RASGRF2: variants seen among roughly 807,000 people sequenced by gnomAD.
The protein encoded by RASGRF2 is Ras protein specific guanine nucleotide releasing factor 2, also known as ras-specific guanine nucleotide-releasing factor 2.
Under a neutral mutation model 151.0 loss-of-function variants are expected in RASGRF2, and 76 were observed. The ratio of observed to expected loss-of-function variants is 0.50; its 90% CI spans 0.42 to 0.61. RASGRF2 has a LOEUF of 0.61. RASGRF2 is among the 20% of genes least tolerant of loss of function. RASGRF2 has a pLI of 0.00. For synonymous variants in RASGRF2, 504 were observed against 566.5 expected, an observed-to-expected ratio of 0.89 and a Z score of 1.57; for missense variants, 1,148 against 1,564.6, an observed-to-expected ratio of 0.73 and a Z score of 4.49.
chr5:81,123,574 G>T, intron 15 of RASGRF2, 68 bp from the exon 16 acceptor site: 1 of 1,545,694 alleles, frequency 6.5e-7, no homozygotes, highest in Non-Finnish European at 8.8e-7. Flanking sequence ...TTGTTTCCAT[G>T]CATGATACTG....
Position 81,201,354 on chromosome 5 carries a change from A to G in RASGRF2, c.2818A>G (p.Lys940Glu). The change falls in exon 19 of 27, where the codon AAG (lysine) becomes GAG (glutamate). Residue 940 changes from lysine (K) to glutamate (E), a missense_variant. Physicochemically the swap from Lys to Glu is moderately conservative, Grantham distance 56. Coordinates refer to ENST00000265080, the MANE Select transcript of RASGRF2 (RefSeq NM_006909.3). ...AQDFELNNEL[K>E]MNVLNLLEEV... ...GGATTTCGAACTCAACAATGAACTAAAGATGAATGTCCTAAATTTGCTAGA... is the reference window on the plus strand; with the variant it reads ...GGATTTCGAACTCAACAATGAACTAGAGATGAATGTCCTAAATTTGCTAGA... 1 of 1,612,914 alleles carries G rather than the reference A, an allele frequency of 6.2e-7. No individual in the cohort carries two copies. Among genetic ancestry groups the G allele is most frequent in the South Asian group, 1.1e-5 (1 of 90,946 alleles).
intron 1 of RASGRF2, among the ~76,000 whole-genome samples, chr5:81,039,771 A>G (rs554688793): frequency 6.6e-6 from 1 of 152,258 alleles, no homozygotes; most frequent in East Asian, 1.9e-4. Flanking sequence ...TATTAATGAT[A>G]TTATCCTTTT....
chr5:80,961,737 G>C (rs1293660746), intron 1 of RASGRF2, among the ~76,000 whole-genome samples: 6 of 152,104 alleles, frequency 3.9e-5, no homozygotes, highest in African/African-American at 1.4e-4. Context: ...AAATGAATGC[G>C]ACCTTTTAAT....
chr5:81,198,200 A>G (rs1755310502), intron 18 of RASGRF2, among the ~76,000 whole-genome samples: 1 of 151,702 alleles, frequency 6.6e-6, no homozygotes, highest in South Asian at 2.1e-4. Flanking sequence ...TTTGGGCTTT[A>G]TTGATCTCAT....
intron 1 of RASGRF2, among the ~76,000 whole-genome samples, chr5:81,036,993 A>G (rs763240870): frequency 1.3e-5 from 2 of 152,226 alleles, no homozygotes; most frequent in Non-Finnish European, 2.9e-5. Flanking sequence ...TGTCTGGGGT[A>G]GCCTCACAAT....
chr5:81,094,264 A>T, intron 10 of RASGRF2, 32 bp from the exon 11 acceptor site: 1 of 1,572,572 alleles, frequency 6.4e-7, no homozygotes, highest in Non-Finnish European at 8.7e-7. Context: ...CAAGACCTTC[A>T]GCGTCTTAGT....
rs551363905 is a variant in RASGRF2 at position 81,035,424 on chromosome 5, G to A, written c.289-7453G>A. ...GGGAATTGAACGATGAGAACACTTG[G>A]ACATAGGGTGGGGAGCATTACACAC... On this transcript the variant is annotated intron_variant, in intron 1 of 26. Transcript: ENST00000265080. 2.3e-3 allele frequency among the ~76,000 whole-genome samples: 351 copies of A among 152,184 alleles called. 1 individual carries two copies. Among genetic ancestry groups the A allele is most frequent in the Non-Finnish European group, 3.7e-3 (250 of 68,004 alleles).
chr5:81,190,047 C>T (rs1218607896), intron 18 of RASGRF2, among the ~76,000 whole-genome samples: 1 of 152,168 alleles, frequency 6.6e-6, no homozygotes, highest in African/African-American at 2.4e-5. Context: ...TATTATTTAT[C>T]AGCACCCATT....
At chr5:81,219,171 C>T (rs149361263) in intron 25 of RASGRF2, among the ~76,000 whole-genome samples, 3,180 of 151,790 alleles carry the variant, frequency 0.021, 106 homozygotes, top group African/African-American at 0.073. Context: ...CTCCACCTTC[C>T]GGGTTCAAGC....
chr5:81,216,785 C>T (rs749960717), intron 24 of RASGRF2, among the ~76,000 whole-genome samples: 12 of 152,336 alleles, frequency 7.9e-5, no homozygotes, highest in Middle Eastern at 3.4e-3. Flanking sequence ...GCTTAGCCTC[C>T]GGCCTCTGAG....
chr5:81,036,450 G>A (rs1402032441), intron 1 of RASGRF2, among the ~76,000 whole-genome samples: 2 of 151,910 alleles, frequency 1.3e-5, no homozygotes, highest in African/African-American at 4.8e-5. Flanking sequence ...TTACTGCATA[G>A]CCATATAATA....
chr5:81,224,458 T>C (rs768053534), intron 26 of RASGRF2, among the ~76,000 whole-genome samples: 2 of 152,238 alleles, frequency 1.3e-5, no homozygotes, highest in Non-Finnish European at 2.9e-5. Flanking sequence ...ACAATCACTT[T>C]GCAAAACTGT....
intron 23 of RASGRF2, among the ~76,000 whole-genome samples, chr5:81,213,176 G>C (rs1320149691): frequency 1.3e-5 from 2 of 152,114 alleles, no homozygotes; most frequent in Non-Finnish European, 2.9e-5. Context: ...GGGCTTTTGG[G>C]CACCTGTCTG....
chr5:81,052,137 A>G (rs1428201018), intron 2 of RASGRF2, among the ~76,000 whole-genome samples: 1 of 152,226 alleles, frequency 6.6e-6, no homozygotes, highest in Non-Finnish European at 1.5e-5. Flanking sequence ...GCTTGTGCAC[A>G]TGGAACAGAA....
At chr5:81,056,502 A>C (rs556918002) in intron 2 of RASGRF2, among the ~76,000 whole-genome samples, 1 of 152,190 alleles carries the variant, frequency 6.6e-6, no homozygotes, top group Admixed American at 6.6e-5. Context: ...ACAGTTTGTT[A>C]TAACTTCTGT....
At chr5:81,145,838 T>G (rs1448235262) in intron 17 of RASGRF2, among the ~76,000 whole-genome samples, 1 of 152,208 alleles carries the variant, frequency 6.6e-6, no homozygotes, top group South Asian at 2.1e-4. Flanking sequence ...TGTGAGATAA[T>G]AAGTGTTTGT....
rs190782674 is a variant in RASGRF2 at position 81,104,974 on chromosome 5, C to A, written c.1756-4022C>A. ...TGTCTTCCCTACTCCTACTTTGAAC[C>A]CTGCAGAGTTTCCTGGACAAGTGAA... On this transcript the variant is annotated intron_variant, in intron 12 of 26. Coordinates refer to ENST00000265080, the MANE Select transcript of RASGRF2 (RefSeq NM_006909.3). 5.9e-3 allele frequency among the ~76,000 whole-genome samples: 896 copies of A among 152,138 alleles called. 8 individuals are homozygous for A. The highest frequency in any genetic ancestry group is 0.021 in the African/African-American group (863 of 41,544).
At chr5:81,055,116 A>T (rs1205590768) in intron 2 of RASGRF2, among the ~76,000 whole-genome samples, 1 of 152,102 alleles carries the variant, frequency 6.6e-6, no homozygotes, top group Non-Finnish European at 1.5e-5. Context: ...AATACCCTTT[A>T]TTTCTTTCTC....
intron 1 of RASGRF2, among the ~76,000 whole-genome samples, chr5:80,982,669 T>C (rs973015903): frequency 6.0e-4 from 90 of 151,162 alleles, no homozygotes; most frequent in African/African-American, 2.1e-3. Flanking sequence ...GGCACAATCT[T>C]GGCTCACTGC....
Sources: allele counts gnomAD v4.1 joint callset (sites outside exome capture counted in the v4.1 genomes callset), GRCh38; gene constraint gnomAD v4.1.1; transcripts MANE v1.5; gene names NCBI Gene and HGNC (gene_info 2026-07-23, HGNC 2026-07-21).